Variants in RNF207 observed in about 807,000 individuals in gnomAD.
RNF207 encodes ring finger protein 207, also known as OTTHUMG00000001089.
A neutral mutation model predicts 79.0 loss-of-function variants in RNF207; 72 were observed. The observed-to-expected ratio is 0.91, with a 90% CI of 0.75 to 1.11. The LOEUF is 1.11. RNF207 is among the 50% of genes least tolerant of loss of function. The pLI, the probability that RNF207 is intolerant of heterozygous loss-of-function variation, is 0.00. For synonymous variants in RNF207, 348 were observed against 366.2 expected (o/e 0.95, Z 0.57); for missense variants, 936 against 855.8 (o/e 1.09, Z -1.17).
intron 16 of RNF207, among the ~76,000 whole-genome samples, chr1:6,215,532 T>C (rs1298067457): frequency 2.6e-5 from 4 of 152,176 alleles, no homozygotes; most frequent in Non-Finnish European, 4.4e-5. Context: ...GCTCTTTCTG[T>C]ACCCCGTTTC....
At chr1:6,214,451 G>A (rs1349337733) in intron 16 of RNF207, among the ~76,000 whole-genome samples, 1 of 151,416 alleles carries the variant, frequency 6.6e-6, no homozygotes, top group Non-Finnish European at 1.5e-5. Context: ...TGCCGAGGCT[G>A]GAGTGCAGTG....
chr1:6,210,690 T>C (rs939534737), intron 10 of RNF207, 180 bp from the exon 11 acceptor site: 6 of 672,218 alleles, frequency 8.9e-6, no homozygotes, highest in African/African-American at 7.1e-5. Context: ...AGCCGCCCCC[T>C]CTCCTGTGGA....
In RNF207 at chr1:6,220,503, C is replaced by T. The variant is rs1047719013; in HGVS notation, c.*1096C>T. On this transcript the variant is annotated 3_prime_UTR_variant, in exon 18 of 18. Coordinates refer to ENST00000377939, the MANE Select transcript of RNF207 (RefSeq NM_207396.3). ...CTACTGGGAAGTTCCACACAGTAAT[C>T]TGAGCAGTGACTCATGGAAGGATGA... 2.6e-5 allele frequency: 4 copies of T among 152,074 alleles called. No individual in the cohort carries two copies. The highest frequency in any genetic ancestry group is 2.1e-4 in the South Asian group (1 of 4,828). 9.4% of individuals were successfully genotyped at this position (152,074 alleles called of 1,614,324 possible).
intron 17 of RNF207, 150 bp downstream of exon 17, chr1:6,218,519 C>A: frequency 1.6e-6 from 1 of 612,776 alleles, no homozygotes; most frequent in Non-Finnish European, 2.9e-6. Flanking sequence ...CAGAGAGGCT[C>A]TCAGCCCAGA....
chr1:6,218,635 C>G (rs980131288), intron 17 of RNF207, among the ~76,000 whole-genome samples: 5 of 152,224 alleles, frequency 3.3e-5, no homozygotes, highest in African/African-American at 9.6e-5. Context: ...CATCCACTTT[C>G]ACCACTGGGA....
chr1:6,209,065 G>GGGGGGGGCCCC, intron 4 of RNF207, 40 bp downstream of exon 4: 1 of 828,566 alleles, frequency 1.2e-6, no homozygotes, highest in Non-Finnish European at 1.9e-6. Context: ...GGGGGTGGGG[G>GGGGGGGGCCCC]CGGGGCGGGC....
At position 6,208,934 on chromosome 1, in the gene RNF207, C is replaced by A; in HGVS notation, c.378C>A (p.Arg126=). 6.5e-7 allele frequency: 1 copy of A among 1,534,982 alleles called. No homozygotes were observed. Reference sequence around the variant, plus strand: ...CGTGCGGACAGCCCCTATGCGCGCGCTGCCGCGACGAGACGCACCGAGCAC... The same window carrying A: ...CGTGCGGACAGCCCCTATGCGCGCGATGCCGCGACGAGACGCACCGAGCAC... The part of the protein sequence containing the change: ...CNTCGQPLCA[R]CRDETHRARM... Residue 126 remains arginine, a synonymous_variant, in exon 4 of 18, where the codon CGC becomes CGA. Coordinates refer to ENST00000377939, the MANE Select transcript of RNF207 (RefSeq NM_207396.3).
rs367780826 is a variant in RNF207 at position 6,209,979 on chromosome 1, G to C, written c.800+9G>C. The C allele has an allele frequency of 3.3e-4, 525 of 1,579,398 alleles. 1 individual carries two copies. Among genetic ancestry groups the C allele is most frequent in the Non-Finnish European group, 4.1e-4 (479 of 1,161,884 alleles). ...CTGCAGGCTGTGCAGAGGTGAGTTG[G>C]GGGGAGCGGGGCTTGCTTCCCTTAC... On this transcript the variant is annotated intron_variant, in intron 8 of 17. Transcript: ENST00000377939.
At position 6,209,881 on chromosome 1, in the gene RNF207, G is replaced by A. The variant is rs375177751; in HGVS notation, c.754-43G>A. The A allele has an allele frequency of 1.8e-5, 28 of 1,555,230 alleles. No homozygotes were observed. In the African/African-American group the frequency reaches 2.9e-4, roughly 16 times the overall value. ...GGGGTAGGCATGGTGGGAGGTGGCA[G>A]GGCTGGGGCGCAAATCAAGAGCATG... On this transcript the variant is annotated intron_variant, in intron 7 of 17. Coordinates refer to ENST00000377939, the MANE Select transcript of RNF207 (RefSeq NM_207396.3).
In RNF207 at chr1:6,210,259, G is replaced by A; in HGVS notation, c.837G>A (p.Gln279=). ...YEEKDKAFKE[Q]LSHLATLLPT... Reference sequence around the variant, plus strand: ...AGAAGGACAAGGCCTTCAAGGAGCAGCTCTCTCACTTGGCCACCTTGCTGC... The same window carrying A: ...AGAAGGACAAGGCCTTCAAGGAGCAACTCTCTCACTTGGCCACCTTGCTGC... The change falls in exon 9 of 18, where the codon CAG becomes CAA. Residue 279 remains glutamine (Q), a synonymous_variant. Coordinates refer to ENST00000377939, the MANE Select transcript of RNF207 (RefSeq NM_207396.3). 1 of 1,613,966 alleles carries A rather than the reference G, an allele frequency of 6.2e-7. No individual in the cohort carries two copies. Among genetic ancestry groups the A allele is most frequent in the Non-Finnish European group, 8.5e-7 (1 of 1,179,934 alleles).
At position 6,211,733 on chromosome 1, in the gene RNF207, C is replaced by T. The variant is rs1253631876; in HGVS notation, c.1110-134C>T. On this transcript the variant is annotated intron_variant, in intron 12 of 17. Transcript: ENST00000377939. This position sits in a 1 kb window ranked among gnomAD's most constrained non-coding sequence, Gnocchi z 4.2. The stretch of plus-strand genomic sequence containing the variant: ...GCCTTGCCTCAGCCTTTTCAAATCT[C>T]CTGGTGGCTCTGCTGTGCTCCAGGT... The T allele has an allele frequency of 1.1e-5, 7 of 628,756 alleles. No individual in the cohort carries two copies. The Admixed American group carries it at 1.8e-4, about 16-fold the overall frequency. 38.9% of individuals were successfully genotyped at this position (628,756 alleles called of 1,614,324 possible). A position where few individuals can be genotyped will look rare whatever the true frequency, so the allele number is the denominator to read the frequency against.
Position 6,217,058 on chromosome 1 carries a change from T to A in RNF207, c.1653-1231T>A, listed in dbSNP as rs1668385398. Among the ~76,000 whole-genome samples the A allele has an allele frequency of 1.3e-5, 2 of 152,210 alleles. No homozygotes were observed. Among genetic ancestry groups the A allele is most frequent in the South Asian group, 4.1e-4 (2 of 4,820 alleles). On this transcript the variant is annotated intron_variant, in intron 16 of 17. Transcript: ENST00000377939. The surrounding 1 kb of genome is among the most constrained non-coding windows in gnomAD (Gnocchi z 4.2). The stretch of plus-strand genomic sequence containing the variant: ...CTAATTTTTATAGTTTTGGTAGAGA[T>A]GGGGTTGTGCTATGTTGCCAAAGAT...
chr1:6,212,155 G>GAACT, intron 13 of RNF207, 76 bp from the exon 14 acceptor site: 1 of 1,550,050 alleles, frequency 6.5e-7, no homozygotes, highest in Non-Finnish European at 8.8e-7. Context: ...GAAGCTGGGA[G>GAACT]CCATTCCTCC....
At position 6,209,276 on chromosome 1, in the gene RNF207, G is replaced by T. The variant is rs1307170216; in HGVS notation, c.560G>T (p.Arg187Leu). Residue 187 changes from arginine to leucine, a missense_variant, in exon 6 of 18, where the codon CGG becomes CTG. By Grantham distance (102) the Arg-to-Leu change is moderately radical. Transcript: ENST00000377939. ...RCFRDMQKES[R>L]AHCVDLESAY... ...CCCGCCGCCTTCTGCAGGGAGAGCC[G>T]GGCACACTGCGTGGACCTGGAATCG... is the stretch of plus-strand genomic sequence containing the variant. 6.5e-7 allele frequency: 1 copy of T among 1,549,090 alleles called. No homozygotes were observed.
chr1:6,209,089 C>G, intron 4 of RNF207, 26 bp from the exon 5 acceptor site: 1 of 1,548,468 alleles, frequency 6.5e-7, no homozygotes, highest in Non-Finnish European at 8.7e-7. Flanking sequence ...GACCGGAGCC[C>G]TCACCACCGC....
Position 6,211,796 on chromosome 1 carries a change from G to A in RNF207, c.1110-71G>A. 8.6e-7 allele frequency: 1 copy of A among 1,164,658 alleles called. No individual in the cohort carries two copies. Among genetic ancestry groups the A allele is most frequent in the Non-Finnish European group, 1.2e-6 (1 of 813,710 alleles). 72.1% of individuals were successfully genotyped at this position (1,164,658 alleles called of 1,614,324 possible). On this transcript the variant is annotated intron_variant, in intron 12 of 17. Coordinates refer to ENST00000377939, the MANE Select transcript of RNF207 (RefSeq NM_207396.3). The surrounding 1 kb of genome is among the most constrained non-coding windows in gnomAD (Gnocchi z 4.2). ...TGTGAGATCCCGGAGCAGTCCAGGGGGCTGCCCTGGGAGGCTGGGGGAGGG... is the reference window on the plus strand; with the variant it reads ...TGTGAGATCCCGGAGCAGTCCAGGGAGCTGCCCTGGGAGGCTGGGGGAGGG...
rs1157886915 is a variant in RNF207 at position 6,211,697 on chromosome 1, G to A, written c.1110-170G>A. Among the ~76,000 whole-genome samples, 2 of 152,168 alleles carry A rather than the reference G, an allele frequency of 1.3e-5. No individual in the cohort carries two copies. Among genetic ancestry groups the A allele is most frequent in the African/African-American group, 4.8e-5 (2 of 41,452 alleles). ...GGGACTTTAAAAAATAGATGTGGAT[G>A]TCCGGGTGAGGCCTTGCCTCAGCCT... On this transcript the variant is annotated intron_variant, in intron 12 of 17. Transcript: ENST00000377939. The surrounding 1 kb of genome is among the most constrained non-coding windows in gnomAD (Gnocchi z 4.2).
chr1:6,212,852 G>C, intron 15 of RNF207, 119 bp downstream of exon 15: 1 of 923,790 alleles, frequency 1.1e-6, no homozygotes, highest in Non-Finnish European at 1.8e-6. Flanking sequence ...CTTCCCCTTA[G>C]CGCTTGACCG....
rs760294440 is a variant in RNF207 at position 6,219,228 on chromosome 1, C to T, written c.1734-8C>T. ...GCGGGCTGGGCTTACATGAGGCTGT[C>T]CCTTTAGGAATAATCCAGGAAGTGT... On this transcript the variant is annotated splice_region_variant and splice_polypyrimidine_tract_variant and intron_variant, in intron 17 of 17. Transcript: ENST00000377939. 1 of 1,600,224 alleles carries T rather than the reference C, an allele frequency of 6.2e-7. No individual in the cohort carries two copies.
Sources: gnomAD v4.1 joint callset for allele counts (sites outside exome capture counted in the v4.1 genomes callset) on GRCh38, gnomAD v4.1.1 for gene constraint, Gnocchi (gnomAD v3.1) non-coding constraint, MANE v1.5 for transcripts, NCBI Gene and HGNC (gene_info 2026-07-23, HGNC 2026-07-21) for gene names.